Variants in MACROD2 observed in about 807,000 individuals in gnomAD.
MACROD2 encodes ADP-ribose glycohydrolase MACROD2.
MACROD2 carries 36 observed loss-of-function variants against 70.4 expected under a neutral mutation model. That is an observed-to-expected ratio of 0.51 (90% CI 0.39 to 0.68). The LOEUF is 0.68. Among genes scored for constraint, MACROD2 ranks in the 30% least tolerant of loss-of-function variants. MACROD2 has a pLI of 0.00. For synonymous variants in MACROD2, 172 were observed against 178.8 expected (o/e 0.96, Z 0.30); for missense variants, 496 against 538.4 (o/e 0.92, Z 0.78).
chr20:14,219,887 G>A (rs1178125182), intron 3 of MACROD2, among the ~76,000 whole-genome samples: 3 of 152,164 alleles, frequency 2.0e-5, no homozygotes, highest in African/African-American at 4.8e-5. Flanking sequence ...CCATCTGTGG[G>A]TCTCTCAGCC....
At chr20:15,847,303 A>G (rs1054944333) in intron 8 of MACROD2, among the ~76,000 whole-genome samples, 1 of 152,172 alleles carries the variant, frequency 6.6e-6, no homozygotes, top group African/African-American at 2.4e-5. Context: ...TATTTTAGGA[A>G]TGTATCTCTC....
At chr20:15,924,314 T>G (rs1205707042) in intron 10 of MACROD2, among the ~76,000 whole-genome samples, 2 of 152,164 alleles carry the variant, frequency 1.3e-5, no homozygotes, top group Non-Finnish European at 2.9e-5. Flanking sequence ...ATTAGGCTAT[T>G]CAGAAAGCAG....
At chr20:14,254,065 A>G (rs1220530637) in intron 3 of MACROD2, among the ~76,000 whole-genome samples, 1 of 152,164 alleles carries the variant, frequency 6.6e-6, no homozygotes, top group Non-Finnish European at 1.5e-5. Flanking sequence ...AAAGATAGAT[A>G]TGCAAATATA....
chr20:15,545,639 A>C (rs2048016262), intron 8 of MACROD2, among the ~76,000 whole-genome samples: 1 of 152,022 alleles, frequency 6.6e-6, no homozygotes, highest in Non-Finnish European at 1.5e-5. Context: ...GTCTTTTCTG[A>C]GATGTTTGTG....
chr20:14,758,934 A>T (rs1408127472), intron 5 of MACROD2, among the ~76,000 whole-genome samples: 1 of 152,014 alleles, frequency 6.6e-6, no homozygotes, highest in East Asian at 1.9e-4. Flanking sequence ...TAATTGCAGT[A>T]TTTCATGGCA....
At chr20:14,715,787 C>A (rs6042880) in intron 5 of MACROD2, among the ~76,000 whole-genome samples, 104,538 of 151,938 alleles carry the variant, frequency 0.69, 36,055 homozygotes, top group South Asian at 0.73. Flanking sequence ...AGTTAAACAT[C>A]AACAGGGGCT....
intron 3 of MACROD2, among the ~76,000 whole-genome samples, chr20:14,288,161 A>G (rs2082359593): frequency 6.6e-6 from 1 of 151,810 alleles, no homozygotes; most frequent in African/African-American, 2.4e-5. Context: ...AGAGATTGCT[A>G]TTTGTCTTCC....
intron 5 of MACROD2, among the ~76,000 whole-genome samples, chr20:14,930,110 C>T (rs1181136935): frequency 7.2e-6 from 1 of 138,670 alleles, no homozygotes; most frequent in African/African-American, 2.6e-5. Context: ...TGCAGTGAGC[C>T]GAGATTGCGC....
intron 12 of MACROD2, among the ~76,000 whole-genome samples, chr20:15,945,132 TA>T (rs1253116604): frequency 6.6e-6 from 1 of 152,198 alleles, no homozygotes; most frequent in East Asian, 1.9e-4. Context: ...AGCACCTACC[TA>T]AAAAATATTT....
intron 3 of MACROD2, among the ~76,000 whole-genome samples, chr20:14,409,944 G>A (rs939886716): frequency 6.6e-6 from 1 of 152,110 alleles, no homozygotes; most frequent in African/African-American, 2.4e-5. Flanking sequence ...CACCCGTCCT[G>A]TGTAGGTAGA....
chr20:14,974,435 ATATT>A (rs1390008160), intron 5 of MACROD2, among the ~76,000 whole-genome samples: 4 of 152,208 alleles, frequency 2.6e-5, no homozygotes, highest in African/African-American at 9.7e-5. Flanking sequence ...CCAGAATTGG[ATATT>A]CAAGAAGTGT....
In MACROD2 at chr20:14,157,377, T is replaced by C. The variant is rs567786530; in HGVS notation, c.271+71649T>C. ...TTGGGGTATCCATCATCTTGAGTAT[T>C]TATCATTTGTATATGTTGGGAACCT... On this transcript the variant is annotated intron_variant, in intron 3 of 17. Coordinates refer to ENST00000684519, the MANE Select transcript of MACROD2 (RefSeq NM_001351661.2). Among the ~76,000 whole-genome samples, 6 of 152,272 alleles carry C rather than the reference T, an allele frequency of 3.9e-5. No homozygotes were observed. In the South Asian group the frequency reaches 6.2e-4, roughly 16 times the overall value.
intron 8 of MACROD2, among the ~76,000 whole-genome samples, chr20:15,669,727 G>A (rs7264713): frequency 0.061 from 9,212 of 152,232 alleles, 477 homozygotes; most frequent in African/African-American, 0.14. Context: ...GATTTTATTT[G>A]CCAAAGCCGA....
At chr20:14,582,678 A>G (rs1229714973) in intron 4 of MACROD2, among the ~76,000 whole-genome samples, 1 of 152,166 alleles carries the variant, frequency 6.6e-6, no homozygotes, top group Non-Finnish European at 1.5e-5. Flanking sequence ...GTGTAGGGTA[A>G]TTGTGTCTTC....
At chr20:15,549,788 T>C (rs2048071505) in intron 8 of MACROD2, among the ~76,000 whole-genome samples, 1 of 152,188 alleles carries the variant, frequency 6.6e-6, no homozygotes, top group African/African-American at 2.4e-5. Context: ...TGTGGGCATA[T>C]TCAGTCAGGG....
intron 5 of MACROD2, among the ~76,000 whole-genome samples, chr20:14,843,622 T>C (rs1277856591): frequency 6.6e-6 from 1 of 152,144 alleles, no homozygotes; most frequent in East Asian, 1.9e-4. Flanking sequence ...ATTTTTATTT[T>C]CCTACAAAGG....
At chr20:14,778,514 C>T (rs1031524283) in intron 5 of MACROD2, among the ~76,000 whole-genome samples, 13 of 152,090 alleles carry the variant, frequency 8.5e-5, no homozygotes, top group South Asian at 2.1e-4. Flanking sequence ...CAGCTCTTCA[C>T]TAAGACCCGG....
intron 8 of MACROD2, among the ~76,000 whole-genome samples, chr20:15,505,754 C>T (rs1430515592): frequency 6.6e-6 from 1 of 152,162 alleles, no homozygotes; most frequent in African/African-American, 2.4e-5. Context: ...TTGGAAATCA[C>T]TGGCAAGGAA....
At chr20:14,842,732 G>A (rs1444319076) in intron 5 of MACROD2, among the ~76,000 whole-genome samples, 1 of 152,038 alleles carries the variant, frequency 6.6e-6, no homozygotes, top group African/African-American at 2.4e-5. Context: ...TCTACAGTTA[G>A]TTTGGTTTTG....
Sources: gnomAD v4.1 joint callset for allele counts (sites outside exome capture counted in the v4.1 genomes callset) on GRCh38, gnomAD v4.1.1 for gene constraint, MANE v1.5 for transcripts, NCBI Gene and HGNC (gene_info 2026-07-23, HGNC 2026-07-21) for gene names.